The following POLDIP2 variants were observed in gnomAD, a reference collection of about 807,000 sequenced individuals.
The protein encoded by POLDIP2 is DNA polymerase delta interacting protein 2.
In POLDIP2, 32 loss-of-function variants were observed where a neutral mutation model predicts 52.9. The observed-to-expected ratio is 0.61, with a 90% confidence interval of 0.46 to 0.81. POLDIP2 has a LOEUF of 0.81. Ranked by LOEUF, POLDIP2 falls within the 40% of genes least tolerant of loss-of-function variation. The probability of loss-of-function intolerance (pLI) is 0.00; values close to 1 mark genes in which losing one functional copy is unlikely to be tolerated. For missense variants in POLDIP2, 371 were observed against 477.3 expected, an observed-to-expected ratio of 0.78 and a Z score of 2.07; for synonymous variants, 183 against 183.0, an observed-to-expected ratio of 1.00 and a Z score of 0.00.
Position 28,353,300 on chromosome 17 carries a change from G to A in POLDIP2, c.455C>T (p.Thr152Ile), listed in dbSNP as rs1907883080. The change falls in exon 5 of 11, where the codon ACA (threonine) becomes ATA (isoleucine). Residue 152 changes from threonine (T) to isoleucine (I), a missense_variant. Thr to Ile is a moderately conservative substitution (Grantham distance 89). Transcript: ENST00000540200. The part of the protein sequence containing the change: ...DCPHISQRSQ[T>I]EAVTFLANHD... ...GTTAGCCAAGAAGGTCACAGCTTCT[G>A]TCTGAGATCTCTGAGACTAAGGCAA... 1.9e-6 allele frequency: 3 copies of A among 1,585,224 alleles called. No individual in the cohort carries two copies. Among genetic ancestry groups the A allele is most frequent in the East Asian group, 2.2e-5 (1 of 44,660 alleles).
intron 10 of POLDIP2, 90 bp from the exon 11 acceptor site, chr17:28,348,321 A>G (rs1907665638): frequency 2.6e-6 from 2 of 779,408 alleles, no homozygotes; most frequent in Non-Finnish European, 2.2e-6. Context: ...TGCCAGCCAC[A>G]GAGGACATGT....
rs782104990 is a variant in POLDIP2, at chr17:28,350,460, C to T, written c.890G>A (p.Arg297Gln). 4.3e-6 allele frequency: 7 copies of T among 1,611,758 alleles called. No individual in the cohort carries two copies. The highest frequency in any genetic ancestry group is 1.1e-5 in the South Asian group (1 of 90,616). ...CACCCTGCCCACTACCCCTCGGCCT[C>T]GCACTGTCTCCAAGGTGCCAGAGAG... ...FSLSGTLETV[R>Q]GRGVVGREPV... The change falls in exon 9 of 11, where the codon CGA becomes CAA. Residue 297 changes from arginine (R) to glutamine (Q), a missense_variant. By Grantham distance (43) the Arg-to-Gln change is conservative. Coordinates refer to ENST00000540200, the MANE Select transcript of POLDIP2 (RefSeq NM_015584.5).
intron 10 of POLDIP2, among the ~76,000 whole-genome samples, chr17:28,348,787 T>C (rs1907684313): frequency 6.6e-6 from 1 of 152,176 alleles, no homozygotes; most frequent in South Asian, 2.1e-4. Context: ...CCAACTGCAT[T>C]TTCAGGTAAA....
In POLDIP2 at chr17:28,357,424, C is replaced by T. The variant is rs4795429; in HGVS notation, c.25G>A (p.Ala9Thr). ...CACCAGCGGCTGCCCACGGCCAGGG[C>T]CCGCCGGGCTGTACAGGCTGCCATG... MAACTARR[A>T]LAVGSRWWSR... is the part of the protein sequence containing the mutation. The change falls in exon 1 of 11, where the codon GCC (alanine) becomes ACC (threonine). Residue 9 changes from alanine (A) to threonine (T), a missense_variant. By Grantham distance (58) the Ala-to-Thr change is moderately conservative. Transcript: ENST00000540200. 2 of 1,498,060 alleles carry T rather than the reference C, an allele frequency of 1.3e-6. No homozygotes were observed. Among genetic ancestry groups the T allele is most frequent in the Non-Finnish European group, 1.8e-6 (2 of 1,132,918 alleles). The allele number at this position is 1,498,060 out of a possible 1,614,324, so 92.8% of individuals were successfully genotyped here.
rs1907640507 is a variant in POLDIP2, at chr17:28,347,839, A to G, written c.*278T>C. 2.5e-6 allele frequency: 1 copy of G among 395,846 alleles called. No homozygotes were observed. The allele number at this position is 395,846 out of a possible 1,614,324, so 24.5% of individuals were successfully genotyped here. A position where few individuals can be genotyped will look rare whatever the true frequency, so the allele number is the denominator to read the frequency against. ...TCAAACCTCACGTGACAGGCCAGGA[A>G]ACTCCTCCAGGCCTGTGGCAGCTGA... On this transcript the variant is annotated 3_prime_UTR_variant, in exon 11 of 11. Coordinates refer to ENST00000540200, the MANE Select transcript of POLDIP2 (RefSeq NM_015584.5).
At chr17:28,348,454 G>A (rs768903366) in intron 10 of POLDIP2, among the ~76,000 whole-genome samples, 2 of 152,228 alleles carry the variant, frequency 1.3e-5, no homozygotes, top group Non-Finnish European at 2.9e-5. Flanking sequence ...TGAAATCCCA[G>A]CATTTTGGGA....
intron 8 of POLDIP2, 40 bp downstream of exon 8, chr17:28,350,726 C>T (rs1555579814): frequency 6.3e-7 from 1 of 1,592,182 alleles, no homozygotes; most frequent in Non-Finnish European, 8.6e-7. Context: ...CCCCCAGGCA[C>T]ACCCCACAAG....
Position 28,353,264 on chromosome 17 carries a change from C to G in POLDIP2, c.491G>C (p.Ser164Thr), listed in dbSNP as rs1287239560. 1 of 1,591,256 alleles carries G rather than the reference C, an allele frequency of 6.3e-7. No individual in the cohort carries two copies. Among genetic ancestry groups the G allele is most frequent in the East Asian group, 2.2e-5 (1 of 44,742 alleles). Residue 164 changes from serine (S) to threonine (T), a missense_variant, in exon 5 of 11, where the codon AGT becomes ACT. By Grantham distance (58) the Ser-to-Thr change is moderately conservative. Transcript: ENST00000540200. ...AVTFLANHDD[S>T]RALYAIPGLD... ...ACCTGGGATGGCATAGAGGGCCCGA[C>G]TGTCATCATGGTTAGCCAAGAAGGT...
chr17:28,349,689 G>C (rs1032566213), intron 9 of POLDIP2, among the ~76,000 whole-genome samples: 11 of 152,082 alleles, frequency 7.2e-5, no homozygotes, highest in Admixed American at 4.6e-4. Context: ...ATGCTGGCGG[G>C]GACCACGGCA....
chr17:28,356,574 G>A (rs1325839124), intron 1 of POLDIP2, among the ~76,000 whole-genome samples: 2 of 152,086 alleles, frequency 1.3e-5, no homozygotes, highest in African/African-American at 2.4e-5. Flanking sequence ...TTCTCACAGG[G>A]GTCTTAAATT....
At position 28,353,549 on chromosome 17, in the gene POLDIP2, G is replaced by A. The variant is rs1907903265; in HGVS notation, c.438+146C>T. On this transcript the variant is annotated intron_variant, in intron 4 of 10. Coordinates refer to ENST00000540200, the MANE Select transcript of POLDIP2 (RefSeq NM_015584.5). ...AAAAAAAAAAAAGACGTGAATCAGG[G>A]CTTTGTTGGCCACTGTGCAGTCCAA... The A allele has an allele frequency of 1.1e-5, 4 of 353,040 alleles. No individual in the cohort carries two copies. The East Asian group carries it at 3.6e-4, about 31-fold the overall frequency. The allele number at this position is 353,040 out of a possible 1,614,324, so 21.9% of individuals were successfully genotyped here.
At chr17:28,353,066 G>A (rs144195338) in intron 5 of POLDIP2, 47 bp from the exon 6 acceptor site, 19 of 806,240 alleles carry the variant, frequency 2.4e-5, no homozygotes, top group Admixed American at 1.6e-4. Flanking sequence ...CAGGAGAGGA[G>A]AGAGATGGGG....
At position 28,352,161 on chromosome 17, in the gene POLDIP2, G is replaced by A. The variant is rs975469774; in HGVS notation, c.623-361C>T. 5.9e-5 allele frequency among the ~76,000 whole-genome samples: 9 copies of A among 151,320 alleles called. No homozygotes were observed. In the East Asian group the frequency reaches 1.8e-3, roughly 29 times the overall value. ...ATAACTGCCATCTGTCATCTGTCAG[G>A]TATGACACCTATGAGGCATGACAGC... On this transcript the variant is annotated intron_variant, in intron 6 of 10. Transcript: ENST00000540200.
intron 7 of POLDIP2, 106 bp from the exon 8 acceptor site, chr17:28,350,898 G>T: frequency 1.1e-6 from 1 of 936,694 alleles, no homozygotes; most frequent in Non-Finnish European, 1.7e-6. Context: ...GTTGCAGACA[G>T]ACCAAGCTGA....
chr17:28,355,809 A>G lies in POLDIP2; in HGVS notation c.229T>C (p.Tyr77His), dbSNP rs1908003130. Reference sequence around the variant, plus strand: ...CCAATACTCACCTGCCCGGTCTCATATTTTCCATTCTGTTTTGGCACCTCA... The same window carrying G: ...CCAATACTCACCTGCCCGGTCTCATGTTTTCCATTCTGTTTTGGCACCTCA... ...VFEVPKQNGK[Y>H]ETGQLFLHSI... is the part of the protein sequence containing the mutation. Residue 77 changes from tyrosine to histidine, a missense_variant, in exon 2 of 11, where the codon TAT becomes CAT. Coordinates refer to ENST00000540200, the MANE Select transcript of POLDIP2 (RefSeq NM_015584.5). 6.2e-7 allele frequency: 1 copy of G among 1,612,294 alleles called. No individual in the cohort carries two copies. Among genetic ancestry groups the G allele is most frequent in the South Asian group, 1.1e-5 (1 of 90,712 alleles).
rs782017540 is a variant in POLDIP2 at position 28,350,813 on chromosome 17, A to T, written c.760-21T>A. 8.0e-5 allele frequency: 126 copies of T among 1,571,882 alleles called. 3 individuals carry two copies. In the South Asian group the frequency reaches 1.2e-3, roughly 15 times the overall value. ...GCTTCCTAGGGAGAAAACAAAAAGA[A>T]TTTAAGTCCCACAGGGCAAGACCAA... is the stretch of plus-strand genomic sequence containing the variant. On this transcript the variant is annotated intron_variant, in intron 7 of 10. Coordinates refer to ENST00000540200, the MANE Select transcript of POLDIP2 (RefSeq NM_015584.5).
chr17:28,355,754 G>A lies in POLDIP2; in HGVS notation c.243+41C>T, dbSNP rs781964288. 2.9e-5 allele frequency: 43 copies of A among 1,466,940 alleles called. No individual in the cohort carries two copies. In the Admixed American group the frequency reaches 7.8e-4, roughly 27 times the overall value. 90.9% of individuals were successfully genotyped at this position (1,466,940 alleles called of 1,614,324 possible). On this transcript the variant is annotated intron_variant, in intron 2 of 10. Coordinates refer to ENST00000540200, the MANE Select transcript of POLDIP2 (RefSeq NM_015584.5). ...TAATCTGACTTTTTTCAGAAGCAGAGCACTCTATGAAAATGAAAGATGACC... is the reference window on the plus strand; with the variant it reads ...TAATCTGACTTTTTTCAGAAGCAGAACACTCTATGAAAATGAAAGATGACC...
rs1555580565 is a variant in POLDIP2, at chr17:28,354,479, G to A, written c.341+9C>T. On this transcript the variant is annotated intron_variant, in intron 3 of 10. Transcript: ENST00000540200. ...GGATACTGTGAGGCACAACCACAGGGAAACTTACTTTTCTGGAGCTGCAGA... is the reference window on the plus strand; with the variant it reads ...GGATACTGTGAGGCACAACCACAGGAAAACTTACTTTTCTGGAGCTGCAGA... 7.8e-6 allele frequency: 12 copies of A among 1,545,358 alleles called. No individual in the cohort carries two copies. Among genetic ancestry groups the A allele is most frequent in the Non-Finnish European group, 1.1e-5 (12 of 1,140,952 alleles).
At chr17:28,353,933 G>C (rs1907920830) in intron 3 of POLDIP2, 142 bp from the exon 4 acceptor site, 3 of 656,432 alleles carry the variant, frequency 4.6e-6, no homozygotes, top group Non-Finnish European at 8.4e-6. Context: ...CTGCTCTGCA[G>C]CACCTCAGCT....
Sources: gnomAD v4.1 joint callset for allele counts (sites outside exome capture counted in the v4.1 genomes callset) on GRCh38, gnomAD v4.1.1 for gene constraint, MANE v1.5 for transcripts, NCBI Gene and HGNC (gene_info 2026-07-23, HGNC 2026-07-21) for gene names.